The following SYNPO2 variants were observed in gnomAD, a reference collection of about 807,000 sequenced individuals.
SYNPO2 encodes synaptopodin-2.
A neutral mutation model predicts 85.0 loss-of-function variants in SYNPO2; 56 were observed. That is an observed-to-expected ratio of 0.66 (90% CI 0.53 to 0.82). The LOEUF (loss-of-function observed/expected upper bound fraction) is 0.82. Ranked by LOEUF, SYNPO2 falls within the 40% of genes least tolerant of loss-of-function variation. The pLI, the probability that SYNPO2 is intolerant of heterozygous loss-of-function variation, is 0.00. For missense variants in SYNPO2, 1,575 were observed against 1,534.2 expected (o/e 1.03, Z -0.44); for synonymous variants, 602 against 591.1 (o/e 1.02, Z -0.27).
intron 1 of SYNPO2, among the ~76,000 whole-genome samples, chr4:118,902,850 A>G (rs1344700957): frequency 6.6e-6 from 1 of 152,194 alleles, no homozygotes; most frequent in South Asian, 2.1e-4. Flanking sequence ...AAAAATTATT[A>G]TTACCATGTT....
chr4:118,882,911 A>G (rs1415092874), intron 1 of SYNPO2, among the ~76,000 whole-genome samples: 1 of 151,950 alleles, frequency 6.6e-6, no homozygotes, highest in Admixed American at 6.6e-5. Context: ...CTGGGACTAC[A>G]GCCACCACGC....
intron 1 of SYNPO2, among the ~76,000 whole-genome samples, chr4:118,969,080 C>T (rs532364054): frequency 1.3e-5 from 2 of 152,242 alleles, no homozygotes; most frequent in East Asian, 3.9e-4. Flanking sequence ...AGGAGGGACA[C>T]GAATCATTAG....
intron 1 of SYNPO2, among the ~76,000 whole-genome samples, chr4:118,969,824 G>A (rs577501139): frequency 2.8e-4 from 42 of 149,900 alleles, no homozygotes; most frequent in Non-Finnish European, 5.3e-4. Context: ...TGAAAAATTA[G>A]TAGAAATGCC....
intron 1 of SYNPO2, among the ~76,000 whole-genome samples, chr4:118,939,987 T>G (rs1015325920): frequency 1.4e-4 from 7 of 48,352 alleles, no homozygotes; most frequent in Non-Finnish European, 4.5e-4. Flanking sequence ...CTTTTTTTTT[T>G]TTTTTTTGTT....
At chr4:118,878,614 C>T (rs1210804576) in intron 1 of SYNPO2, among the ~76,000 whole-genome samples, 1 of 152,124 alleles carries the variant, frequency 6.6e-6, no homozygotes, top group Non-Finnish European at 1.5e-5. Flanking sequence ...ACGCACCAAT[C>T]AGCGCTCTGT....
chr4:119,041,367 C>A (rs1162432730), intron 4 of SYNPO2, among the ~76,000 whole-genome samples: 2 of 152,136 alleles, frequency 1.3e-5, no homozygotes, highest in African/African-American at 4.8e-5. Context: ...GAAATGTTCA[C>A]AAAACCATTT....
intron 1 of SYNPO2, among the ~76,000 whole-genome samples, chr4:119,018,585 T>A (rs1309897222): frequency 6.6e-6 from 1 of 152,124 alleles, no homozygotes; most frequent in Non-Finnish European, 1.5e-5. Flanking sequence ...TTTCTCCACA[T>A]CCTTGCCAGC....
At chr4:118,869,564 T>C (rs908836091) in intron 1 of SYNPO2, among the ~76,000 whole-genome samples, 6 of 152,194 alleles carry the variant, frequency 3.9e-5, no homozygotes, top group African/African-American at 1.4e-4. Context: ...TTCAGTTAAC[T>C]CAAAGCCTGG....
chr4:119,009,431 A>G (rs1251886227), intron 1 of SYNPO2, among the ~76,000 whole-genome samples: 1 of 152,208 alleles, frequency 6.6e-6, no homozygotes, highest in African/African-American at 2.4e-5. Flanking sequence ...TCTCCTTGAA[A>G]AATATGATTA....
At chr4:118,895,919 A>G (rs1317565413) in intron 1 of SYNPO2, among the ~76,000 whole-genome samples, 2 of 152,248 alleles carry the variant, frequency 1.3e-5, no homozygotes, top group Non-Finnish European at 2.9e-5. Context: ...ACATGTGTAT[A>G]TCTTATAATT....
rs1261121023 is a variant in SYNPO2 at position 118,889,043 on chromosome 4, A to C, written c.7A>C (p.Thr3Pro). The stretch of plus-strand genomic sequence containing the variant: ...GCCCAACTAAAAGGAAAACATGGGC[A>C]CAGGGGATTTTATCTGCATTTCCAT... The part of the protein sequence containing the change: MG[T>P]GDFICISMTG... Residue 3 changes from threonine to proline, a missense_variant, in exon 1 of 5, where the codon ACA (threonine) becomes CCA (proline). Around this residue, in one of 3 missense-constraint regions of SYNPO2, gnomAD observed 55 missense variants for 55.5 expected, o/e 0.99. Transcript: ENST00000307142. 1.9e-6 allele frequency: 3 copies of C among 1,614,182 alleles called. No individual in the cohort carries two copies. The highest frequency in any genetic ancestry group is 2.5e-6 in the Non-Finnish European group (3 of 1,180,016).
chr4:119,048,307 T>C (rs1037965637), intron 4 of SYNPO2, among the ~76,000 whole-genome samples: 1 of 152,242 alleles, frequency 6.6e-6, no homozygotes, highest in Non-Finnish European at 1.5e-5. Context: ...CGTAAAATTC[T>C]GGTGAAGATA....
At chr4:118,903,633 A>G (rs905044672) in intron 1 of SYNPO2, among the ~76,000 whole-genome samples, 2 of 152,158 alleles carry the variant, frequency 1.3e-5, no homozygotes, top group African/African-American at 4.8e-5. Flanking sequence ...TATTCAGTTT[A>G]ATCAGTTTAA....
intron 4 of SYNPO2, chr4:119,034,047 A>G (rs1346898262): frequency 2.0e-6 from 2 of 985,396 alleles, no homozygotes; most frequent in African/African-American, 1.7e-5. Flanking sequence ...TTTTTGGGAA[A>G]CCAATTAAGA....
At chr4:118,864,537 T>G (rs1418261066) in intron 1 of SYNPO2, among the ~76,000 whole-genome samples, 1 of 152,164 alleles carries the variant, frequency 6.6e-6, no homozygotes, top group East Asian at 1.9e-4. Context: ...GAAAGTAGGG[T>G]GTTGAAGTCT....
intron 1 of SYNPO2, among the ~76,000 whole-genome samples, chr4:118,853,581 T>TTTTTTTTTTTTTTTTTTTTTTTGAG (rs1553933501): frequency 6.6e-6 from 1 of 151,530 alleles, no homozygotes; most frequent in Non-Finnish European, 1.5e-5. Context: ...AGAACTTTTC[T>TTTTTTTTTTTTTTTTTTTTTTTGAG]AACTGCAGAA....
At chr4:119,048,693 G>A (rs1312247488) in intron 4 of SYNPO2, among the ~76,000 whole-genome samples, 1 of 152,086 alleles carries the variant, frequency 6.6e-6, no homozygotes, top group East Asian at 1.9e-4. Context: ...CCAGAGGATT[G>A]GAAAGTACAA....
chr4:118,936,189 C>T (rs191034158), intron 1 of SYNPO2, among the ~76,000 whole-genome samples: 11 of 152,210 alleles, frequency 7.2e-5, no homozygotes, highest in African/African-American at 2.6e-4. Flanking sequence ...TGCCATATAA[C>T]GTAGGTGTGT....
At chr4:118,997,100 C>T (rs1478525687) in intron 1 of SYNPO2, among the ~76,000 whole-genome samples, 12 of 150,572 alleles carry the variant, frequency 8.0e-5, no homozygotes, top group East Asian at 2.0e-4. Flanking sequence ...ATTAGCAGGG[C>T]GTAGTGGCGG....
Sources: allele counts gnomAD v4.1 joint callset (sites outside exome capture counted in the v4.1 genomes callset), GRCh38; gene constraint gnomAD v4.1.1; regional missense constraint gnomAD v4.1.1; transcripts MANE v1.5; gene names NCBI Gene and HGNC (gene_info 2026-07-23, HGNC 2026-07-21).